Variants in RAPH1 observed in about 807,000 individuals in gnomAD.
RAPH1 encodes the protein Ras association (RalGDS/AF-6) and pleckstrin homology domains 1, also known as ras-associated and pleckstrin homology domains-containing protein 1.
RAPH1 carries 18 observed loss-of-function variants against 88.1 expected under a neutral mutation model. That is an observed-to-expected ratio of 0.20 (90% confidence interval 0.14 to 0.30). The LOEUF is 0.30. Among genes scored for constraint, RAPH1 ranks in the 10% least tolerant of loss-of-function variants. The pLI is 1.00. For missense variants in RAPH1, 1,448 were observed against 1,543.2 expected (o/e 0.94, Z 1.03); for synonymous variants, 587 against 559.0 (o/e 1.05, Z -0.71).
chr2:203,500,516 T>G (rs1466796839), intron 1 of RAPH1, among the ~76,000 whole-genome samples: 1 of 152,212 alleles, frequency 6.6e-6, no homozygotes, highest in East Asian at 1.9e-4. Flanking sequence ...TGTGGTTTGT[T>G]GATGACCTGC....
intron 4 of RAPH1, among the ~76,000 whole-genome samples, chr2:203,478,731 T>C (rs1472364467): frequency 6.6e-6 from 1 of 152,070 alleles, no homozygotes; most frequent in Non-Finnish European, 1.5e-5. Flanking sequence ...TCAAGTGATC[T>C]GCCCACCTCC....
chr2:203,512,138 A>T (rs1689368404), intron 1 of RAPH1, among the ~76,000 whole-genome samples: 1 of 151,648 alleles, frequency 6.6e-6, no homozygotes, highest in East Asian at 1.9e-4. Context: ...AATTAAGCAG[A>T]ATATGGGCCA....
At chr2:203,467,848 G>C (rs1265085884) in intron 4 of RAPH1, among the ~76,000 whole-genome samples, 2 of 151,756 alleles carry the variant, frequency 1.3e-5, no homozygotes, top group African/African-American at 4.8e-5. Context: ...GCTCACTGCA[G>C]CCTCGACCTC....
In RAPH1 at chr2:203,489,579, T is replaced by C; in HGVS notation, c.732+5A>G. 1.4e-6 allele frequency: 2 copies of C among 1,468,612 alleles called. No homozygotes were observed. Among genetic ancestry groups the C allele is most frequent in the Non-Finnish European group, 1.8e-6 (2 of 1,101,152 alleles). 91.0% of individuals were successfully genotyped at this position (1,468,612 alleles called of 1,614,324 possible). A position where few individuals can be genotyped will look rare whatever the true frequency, so the allele number is the denominator to read the frequency against. ...AATACCAGGGAAAAAGTTCCATTTATTTACCTCAGTAATTGGCTGCCCTTG... is the reference window on the plus strand; with the variant it reads ...AATACCAGGGAAAAAGTTCCATTTACTTACCTCAGTAATTGGCTGCCCTTG... On this transcript the variant is annotated splice_donor_5th_base_variant and intron_variant, in intron 4 of 13. Transcript: ENST00000319170.
At chr2:203,462,379 A>G (rs1473051531) in intron 4 of RAPH1, among the ~76,000 whole-genome samples, 1 of 152,232 alleles carries the variant, frequency 6.6e-6, no homozygotes, top group Admixed American at 6.5e-5. Flanking sequence ...GTATACCACT[A>G]TCATAAAAAT....
chr2:203,501,747 GA>G (rs1439050795), intron 1 of RAPH1, among the ~76,000 whole-genome samples: 1 of 141,798 alleles, frequency 7.1e-6, no homozygotes, highest in East Asian at 2.1e-4. Flanking sequence ...AGGGCCTACA[GA>G]AAGGTTCTAC....
chr2:203,506,855 TC>T lies in RAPH1; in HGVS notation c.1-11503del, dbSNP rs1431443598. Among the ~76,000 whole-genome samples, 2 of 56,678 alleles carry T rather than the reference TC, an allele frequency of 3.5e-5. 1 individual carries two copies. The highest frequency in any genetic ancestry group is 1.7e-4 in the African/African-American group (2 of 11,542). The allele number at this position is 56,678 out of a possible 152,430, so 37.2% of individuals were successfully genotyped here. On this transcript the variant is annotated intron_variant, in intron 1 of 13. Coordinates refer to ENST00000319170, the MANE Select transcript of RAPH1 (RefSeq NM_213589.3). Reference sequence around the variant, plus strand: ...ATCTATATCTATATATCTATCTATATCTATATATATATATATATATATATAG... The same window carrying T: ...ATCTATATCTATATATCTATCTATATTATATATATATATATATATATATAG...
chr2:203,444,828 A>G, intron 13 of RAPH1, 40 bp downstream of exon 13: 1 of 1,595,542 alleles, frequency 6.3e-7, no homozygotes, highest in Non-Finnish European at 8.6e-7. Flanking sequence ...CCAAAAGAAT[A>G]CCACAGAATT....
chr2:203,483,405 T>C (rs1184849735), intron 4 of RAPH1, among the ~76,000 whole-genome samples: 1 of 151,486 alleles, frequency 6.6e-6, no homozygotes, highest in Non-Finnish European at 1.5e-5. Flanking sequence ...GAAAGGGAGG[T>C]AGAAAGAAAA....
At chr2:203,489,534 C>A in intron 4 of RAPH1, 50 bp downstream of exon 4, 1 of 1,292,330 alleles carries the variant, frequency 7.7e-7, no homozygotes, top group Non-Finnish European at 1.0e-6. Context: ...AATATAATTT[C>A]TCCTTTATTT....
chr2:203,510,255 G>A (rs1349313784), intron 1 of RAPH1, among the ~76,000 whole-genome samples: 1 of 139,710 alleles, frequency 7.2e-6, no homozygotes, highest in Non-Finnish European at 1.5e-5. Flanking sequence ...AAAATTGCTT[G>A]AACCTGGGAG....
At chr2:203,531,413 T>A (rs1244348158) in intron 1 of RAPH1, among the ~76,000 whole-genome samples, 8 of 151,980 alleles carry the variant, frequency 5.3e-5, no homozygotes, top group African/African-American at 1.9e-4. Context: ...AAAAAAAAAA[T>A]TTGTGCAAAA....
chr2:203,460,034 C>T lies in RAPH1; in HGVS notation c.971-6G>A, dbSNP rs760827366. 2 of 1,595,684 alleles carry T rather than the reference C, an allele frequency of 1.3e-6. No individual in the cohort carries two copies. Among genetic ancestry groups the T allele is most frequent in the East Asian group, 4.5e-5 (2 of 44,686 alleles). On this transcript the variant is annotated splice_polypyrimidine_tract_variant and splice_region_variant and intron_variant, in intron 6 of 13. Transcript: ENST00000319170. ...ATGGTCTTCAAAGATTCTCTCTGTC[C>T]CAAAATAAAATATCCGTATTTTGTT...
chr2:203,437,559 A>C lies in RAPH1; in HGVS notation c.*1878T>G, dbSNP rs531493658. On this transcript the variant is annotated 3_prime_UTR_variant, in exon 14 of 14. Transcript: ENST00000319170. ...ACACAAAACTTGGTGAACAATTTGA[A>C]AGACCTAAAAATTAATGGTATATAT... 4 of 152,390 alleles carry C rather than the reference A, an allele frequency of 2.6e-5. No individual in the cohort carries two copies. Among genetic ancestry groups the C allele is most frequent in the Admixed American group, 6.5e-5 (1 of 15,300 alleles). 9.4% of individuals were successfully genotyped at this position (152,390 alleles called of 1,614,324 possible).
In RAPH1 at chr2:203,440,261, G is replaced by A. The variant is rs1413290737; in HGVS notation, c.2929C>T (p.Arg977Cys). 18 of 1,613,798 alleles carry A rather than the reference G, an allele frequency of 1.1e-5. No homozygotes were observed. The highest frequency in any genetic ancestry group is 5.0e-5 in the Admixed American group (3 of 59,986). Residue 977 changes from arginine (R) to cysteine (C), a missense_variant, in exon 14 of 14, where the codon CGC becomes TGC. Transcript: ENST00000319170. ...CTGCTGGATTTAATGCTGGAGTTGCGCTGTGGGGTTGGGGGTGGTTTCTTT... is the reference window on the plus strand; with the variant it reads ...CTGCTGGATTTAATGCTGGAGTTGCACTGTGGGGTTGGGGGTGGTTTCTTT... ...GGKKPPPTPQ[R>C]NSSIKSSSGA...
chr2:203,489,219 A>T (rs1339706293), intron 4 of RAPH1, among the ~76,000 whole-genome samples: 1 of 152,190 alleles, frequency 6.6e-6, no homozygotes, highest in East Asian at 1.9e-4. Context: ...CACAATGGTG[A>T]TATGAGTGTT....
intron 1 of RAPH1, among the ~76,000 whole-genome samples, chr2:203,499,975 G>C (rs1688669168): frequency 6.6e-6 from 1 of 152,140 alleles, no homozygotes; most frequent in Non-Finnish European, 1.5e-5. Context: ...AACATGCTCA[G>C]ATACAGGACA....
At chr2:203,476,209 C>T (rs1379714354) in intron 4 of RAPH1, among the ~76,000 whole-genome samples, 3 of 152,044 alleles carry the variant, frequency 2.0e-5, no homozygotes, top group Middle Eastern at 3.4e-3. Context: ...GGCTGGAGTA[C>T]AGTGGTGTGA....
chr2:203,455,403 T>C, intron 9 of RAPH1, 34 bp downstream of exon 9: 2 of 1,598,458 alleles, frequency 1.3e-6, no homozygotes, highest in Non-Finnish European at 1.7e-6. Flanking sequence ...ATTAGCATAA[T>C]GAGGAAGTTC....
Sources: allele counts gnomAD v4.1 joint callset (sites outside exome capture counted in the v4.1 genomes callset), GRCh38; gene constraint gnomAD v4.1.1; transcripts MANE v1.5; gene names NCBI Gene and HGNC (gene_info 2026-07-23, HGNC 2026-07-21).